THSD7B: variants seen among roughly 807,000 people sequenced by gnomAD.
THSD7B encodes thrombospondin type 1 domain containing 7B.
A neutral mutation model predicts 213.6 loss-of-function variants in THSD7B; 138 were observed. The observed-to-expected ratio is 0.65, with a 90% confidence interval of 0.56 to 0.74. The LOEUF is 0.74. Ranked by LOEUF, THSD7B falls within the 30% of genes least tolerant of loss-of-function variation. The pLI is 0.00. For missense variants in THSD7B, 1,931 were observed against 1,991.5 expected, an observed-to-expected ratio of 0.97 and a Z score of 0.58; for synonymous variants, 742 against 687.0, an observed-to-expected ratio of 1.08 and a Z score of -1.25.
chr2:137,375,354 A>C (rs996153012), intron 12 of THSD7B, among the ~76,000 whole-genome samples: 1 of 152,178 alleles, frequency 6.6e-6, no homozygotes, highest in African/African-American at 2.4e-5. Flanking sequence ...ATTCAGCTTC[A>C]CATAAGCACA....
chr2:136,898,596 G>A (rs1684007345), intron 2 of THSD7B, among the ~76,000 whole-genome samples: 1 of 80,930 alleles, frequency 1.2e-5, no homozygotes, highest in Non-Finnish European at 3.1e-5. Flanking sequence ...CGCCAAAAGA[G>A]CTCACAGTAT....
intron 12 of THSD7B, among the ~76,000 whole-genome samples, chr2:137,374,975 C>T (rs947058557): frequency 6.6e-6 from 1 of 152,152 alleles, no homozygotes; most frequent in Admixed American, 6.5e-5. Context: ...TGGACATTGT[C>T]ATGGAACTCT....
chr2:137,291,039 A>G (rs1167209714), intron 12 of THSD7B, among the ~76,000 whole-genome samples: 1 of 152,224 alleles, frequency 6.6e-6, no homozygotes, highest in East Asian at 1.9e-4. Context: ...GTCCTTTTCT[A>G]TTCAAAGTCC....
At chr2:137,223,357 C>T (rs1189357548) in intron 7 of THSD7B, among the ~76,000 whole-genome samples, 2 of 152,198 alleles carry the variant, frequency 1.3e-5, no homozygotes, top group African/African-American at 4.8e-5. Context: ...AAAATTCACA[C>T]AACATGTCCA....
At chr2:136,936,888 A>G (rs972337654) in intron 2 of THSD7B, among the ~76,000 whole-genome samples, 8 of 152,170 alleles carry the variant, frequency 5.3e-5, no homozygotes, top group African/African-American at 9.6e-5. Flanking sequence ...CTAAATGCCA[A>G]TAGACACACA....
chr2:137,469,600 AACTATC>A (rs545108343), intron 15 of THSD7B, among the ~76,000 whole-genome samples: 2 of 152,204 alleles, frequency 1.3e-5, no homozygotes, highest in Non-Finnish European at 2.9e-5. Flanking sequence ...TTATAAAAGA[AACTATC>A]ACAGCTGGGG....
At chr2:136,936,546 T>G (rs1210941285) in intron 2 of THSD7B, among the ~76,000 whole-genome samples, 1 of 152,206 alleles carries the variant, frequency 6.6e-6, no homozygotes, top group Non-Finnish European at 1.5e-5. Flanking sequence ...TGGAGACTAT[T>G]ATTCTAAGAA....
chr2:137,411,766 G>C lies in THSD7B; in HGVS notation c.2853G>C (p.Arg951=). The change falls in exon 14 of 28, where the codon CGG becomes CGC. Residue 951 remains arginine, a synonymous_variant. Transcript: ENST00000409968. Reference sequence around the variant, plus strand: ...GAAGGGAGCCTCACCGAGGACTGCGGGTACAAGCAGACAGCAAAGAATGTG... The same window carrying C: ...GAAGGGAGCCTCACCGAGGACTGCGCGTACAAGCAGACAGCAAAGAATGTG... ...EGRREPHRGL[R]VQADSKECGE... The C allele has an allele frequency of 6.2e-7, 1 of 1,613,924 alleles. No individual in the cohort carries two copies. The highest frequency in any genetic ancestry group is 8.5e-7 in the Non-Finnish European group (1 of 1,179,902).
At chr2:137,412,578 C>T (rs535902478) in intron 14 of THSD7B, among the ~76,000 whole-genome samples, 33 of 104,912 alleles carry the variant, frequency 3.1e-4, no homozygotes, top group Admixed American at 1.9e-3. Flanking sequence ...TCCTGGGCAA[C>T]GAGAGCAAAA....
intron 10 of THSD7B, among the ~76,000 whole-genome samples, chr2:137,270,566 T>C (rs1682708562): frequency 6.6e-6 from 1 of 152,050 alleles, no homozygotes; most frequent in South Asian, 2.1e-4. Context: ...TAATGGGTAA[T>C]GACAGAACAT....
At chr2:137,445,001 T>TA (rs11420507) in intron 14 of THSD7B, among the ~76,000 whole-genome samples, 9,026 of 151,822 alleles carry the variant, frequency 0.059, 304 homozygotes, top group African/African-American at 0.088. Flanking sequence ...AACAGATGTA[T>TA]AAAAAAATGC....
chr2:136,834,759 C>G (rs954230446), intron 1 of THSD7B, among the ~76,000 whole-genome samples: 1 of 152,126 alleles, frequency 6.6e-6, no homozygotes, highest in African/African-American at 2.4e-5. Context: ...ACAGTTAGCA[C>G]TGTTTGGACA....
intron 2 of THSD7B, among the ~76,000 whole-genome samples, chr2:136,956,051 A>G (rs529714552): frequency 5.3e-5 from 8 of 151,152 alleles, no homozygotes; most frequent in African/African-American, 1.9e-4. Context: ...AAAAAAAAAA[A>G]GAAACTATAT....
chr2:136,788,430 A>G (rs937528790), intron 1 of THSD7B, among the ~76,000 whole-genome samples: 3 of 152,196 alleles, frequency 2.0e-5, no homozygotes. Flanking sequence ...GCAGTGCCCC[A>G]TTGTGAAAGA....
At chr2:136,812,561 G>T (rs1682393584) in intron 1 of THSD7B, among the ~76,000 whole-genome samples, 1 of 152,206 alleles carries the variant, frequency 6.6e-6, no homozygotes, top group Non-Finnish European at 1.5e-5. Flanking sequence ...AGAAGTCTGT[G>T]TGTGCCATCA....
chr2:136,867,571 A>C (rs1683363918), intron 1 of THSD7B, among the ~76,000 whole-genome samples: 1 of 152,248 alleles, frequency 6.6e-6, no homozygotes, highest in African/African-American at 2.4e-5. Flanking sequence ...TGAGGGTAAC[A>C]GTAATATCAT....
chr2:137,232,772 T>A, intron 8 of THSD7B, 127 bp from the exon 9 acceptor site: 1 of 793,830 alleles, frequency 1.3e-6, no homozygotes. Flanking sequence ...AGAAGAACAG[T>A]GCAGTGGCTC....
intron 17 of THSD7B, among the ~76,000 whole-genome samples, chr2:137,604,906 T>C (rs1277033548): frequency 6.6e-6 from 1 of 152,212 alleles, no homozygotes; most frequent in Non-Finnish European, 1.5e-5. Flanking sequence ...TCTTAGTTCT[T>C]AATATTTATT....
intron 15 of THSD7B, among the ~76,000 whole-genome samples, chr2:137,492,486 C>A (rs1679433984): frequency 6.6e-6 from 1 of 152,144 alleles, no homozygotes; most frequent in Non-Finnish European, 1.5e-5. Context: ...TAGGTAATAA[C>A]TGGTAGATGT....
Sources: gnomAD v4.1 joint callset for allele counts (sites outside exome capture counted in the v4.1 genomes callset) on GRCh38, gnomAD v4.1.1 for gene constraint, MANE v1.5 for transcripts, NCBI Gene and HGNC (gene_info 2026-07-23, HGNC 2026-07-21) for gene names.